Variants in TUSC3 observed in about 807,000 individuals in gnomAD.
TUSC3 encodes dolichyl-diphosphooligosaccharide--protein glycosyltransferase subunit TUSC3.
Under a neutral mutation model 44.8 loss-of-function variants are expected in TUSC3, and 45 were observed. That is an observed-to-expected ratio of 1.00 (90% confidence interval 0.79 to 1.29). TUSC3 has a LOEUF of 1.29. Ranked by LOEUF, TUSC3 falls within the 50% of genes most tolerant of loss-of-function variation. The pLI is 0.00. For synonymous variants in TUSC3, 212 were observed against 152.9 expected (o/e 1.39, Z -2.85); for missense variants, 519 against 437.9 (o/e 1.19, Z -1.65).
rs180978515 is a variant in TUSC3, at chr8:15,736,008, A to G, written c.862+5279A>G. ...CTCCCAAAGTGCTGGGATTACAGGC[A>G]TGAGCCACCACGCCCGGCGATATTT... On this transcript the variant is annotated intron_variant, in intron 7 of 10. Transcript: ENST00000503731. Among the ~76,000 whole-genome samples, 198 of 152,098 alleles carry G rather than the reference A, an allele frequency of 1.3e-3. 1 individual carries two copies. The East Asian group carries it at 0.015, about 11-fold the overall frequency.
chr8:15,434,592 A>G (rs1174511794), intron 1 of TUSC3, among the ~76,000 whole-genome samples: 2 of 146,246 alleles, frequency 1.4e-5, no homozygotes, highest in Non-Finnish European at 3.0e-5. Flanking sequence ...GTGGTTTGTT[A>G]CATATGTATA....
In TUSC3 at chr8:15,686,087, A is replaced by G. The variant is rs147848891; in HGVS notation, c.798+12251A>G. Among the ~76,000 whole-genome samples, 1,096 of 152,302 alleles carry G rather than the reference A, an allele frequency of 7.2e-3. 12 individuals carry two copies. The highest frequency in any genetic ancestry group is 0.018 in the African/African-American group (736 of 41,564). On this transcript the variant is annotated intron_variant, in intron 6 of 10. Coordinates refer to ENST00000503731, the MANE Select transcript of TUSC3 (RefSeq NM_006765.4). ...GTTTGTCACTATTAAGATACTATGT[A>G]ATGGCACAAGTCAAGTACTAATGGT...
intron 3 of TUSC3, among the ~76,000 whole-genome samples, chr8:15,655,426 C>T (rs904164793): frequency 6.6e-6 from 1 of 152,164 alleles, no homozygotes; most frequent in African/African-American, 2.4e-5. Flanking sequence ...CAAGTGCTGG[C>T]AAGCCACTGT....
At chr8:15,806,242 C>G in the TUSC3 span, 1 of 560,134 alleles carries the variant, frequency 1.8e-6, no homozygotes, top group African/African-American at 1.9e-5. Context: ...TGCTTGTTTG[C>G]CAATTCACCT....
At chr8:15,576,532 G>T (rs76507046) in intron 1 of TUSC3, among the ~76,000 whole-genome samples, 5 of 137,804 alleles carry the variant, frequency 3.6e-5, no homozygotes, top group East Asian at 4.6e-4. Context: ...TCATTGTTCA[G>T]TCCCCACCTA....
the TUSC3 span, among the ~76,000 whole-genome samples, chr8:15,810,950 G>A: frequency 1.3e-5 from 2 of 152,166 alleles, no homozygotes; most frequent in Non-Finnish European, 2.9e-5. Context: ...TGCTGGGTGA[G>A]TAAGGAGACA....
At chr8:15,748,288 T>C (rs746703854) in intron 8 of TUSC3, 87 bp from the exon 9 acceptor site, 154 of 986,146 alleles carry the variant, frequency 1.6e-4, no homozygotes, top group Non-Finnish European at 2.2e-4. Context: ...GTAAGTATAC[T>C]GTAATTGAAT....
intron 2 of TUSC3, among the ~76,000 whole-genome samples, chr8:15,530,858 G>C (rs1801440335): frequency 6.6e-6 from 1 of 152,208 alleles, no homozygotes; most frequent in Non-Finnish European, 1.5e-5. Flanking sequence ...CCCAATGTGA[G>C]AAAGAACTGA....
chr8:15,679,500 C>A (rs11987428), intron 6 of TUSC3, among the ~76,000 whole-genome samples: 5 of 151,872 alleles, frequency 3.3e-5, no homozygotes, highest in African/African-American at 7.3e-5. Flanking sequence ...GATATTAGTC[C>A]TTTATCAGAT....
intron 2 of TUSC3, among the ~76,000 whole-genome samples, chr8:15,645,909 T>C (rs1806604370): frequency 6.6e-6 from 1 of 152,090 alleles, no homozygotes; most frequent in Non-Finnish European, 1.5e-5. Flanking sequence ...CTCTCTAGAA[T>C]TCAGAAATTC....
intron 1 of TUSC3, among the ~76,000 whole-genome samples, chr8:15,451,906 T>C (rs909812305): frequency 2.0e-5 from 3 of 151,888 alleles, no homozygotes; most frequent in African/African-American, 7.3e-5. Context: ...GTTGTGAGAG[T>C]ATAGAAGAGG....
At chr8:15,457,364 CTT>C in intron 1 of TUSC3, among the ~76,000 whole-genome samples, 1 of 151,822 alleles carries the variant, frequency 6.6e-6, no homozygotes, top group East Asian at 1.9e-4. Flanking sequence ...GAAAAGTAGA[CTT>C]TTCTGAAGAG....
intron 2 of TUSC3, among the ~76,000 whole-genome samples, chr8:15,490,455 C>T (rs1800792960): frequency 6.6e-6 from 1 of 152,104 alleles, no homozygotes. Context: ...TGCAATTTTC[C>T]AGCAGCCCCT....
intron 1 of TUSC3, among the ~76,000 whole-genome samples, chr8:15,455,000 A>G (rs1034990173): frequency 6.6e-6 from 1 of 152,154 alleles, no homozygotes. Context: ...CAAGAAAACC[A>G]TGGGGAATCT....
At chr8:15,626,559 C>A (rs1479033221) in intron 2 of TUSC3, among the ~76,000 whole-genome samples, 1 of 152,238 alleles carries the variant, frequency 6.6e-6, no homozygotes, top group Non-Finnish European at 1.5e-5. Flanking sequence ...GCAGCTGCAA[C>A]TGTCCACCTG....
intron 1 of TUSC3, among the ~76,000 whole-genome samples, chr8:15,480,109 C>T (rs756529044): frequency 2.6e-5 from 4 of 152,106 alleles, no homozygotes; most frequent in Non-Finnish European, 5.9e-5. Flanking sequence ...TGAAGGACCT[C>T]TTCAAAGAGA....
the TUSC3 span, among the ~76,000 whole-genome samples, chr8:15,849,892 C>G: frequency 6.6e-6 from 1 of 152,118 alleles, no homozygotes; most frequent in African/African-American, 2.4e-5. Context: ...GAGCATCACT[C>G]TCAAAGTGGC....
the TUSC3 span, among the ~76,000 whole-genome samples, chr8:15,849,478 A>G: frequency 6.6e-6 from 1 of 152,156 alleles, no homozygotes; most frequent in Non-Finnish European, 1.5e-5. Context: ...AGCTCTGGGG[A>G]AAAGTATTGT....
intron 2 of TUSC3, among the ~76,000 whole-genome samples, chr8:15,529,947 G>GCCACCGC (rs528852746): frequency 0.054 from 1,378 of 25,322 alleles, 11 homozygotes; most frequent in Non-Finnish European, 0.076. Context: ...ACAGGCGCCC[G>GCCACCGC]GCTAATTTTT....
Sources: allele counts gnomAD v4.1 joint callset (sites outside exome capture counted in the v4.1 genomes callset), GRCh38; gene constraint gnomAD v4.1.1; transcripts MANE v1.5; gene names NCBI Gene and HGNC (gene_info 2026-07-23, HGNC 2026-07-21).